CNKSR2: variants seen among roughly 807,000 people sequenced by gnomAD.
CNKSR2 encodes connector enhancer of kinase suppressor of Ras 2.
Under a neutral mutation model 84.4 loss-of-function variants are expected in CNKSR2, and 14 were observed. The observed-to-expected ratio is 0.17, with a 90% CI of 0.11 to 0.26. The LOEUF (loss-of-function observed/expected upper bound fraction) is 0.26. Among genes scored for constraint, CNKSR2 ranks in the 10% least tolerant of loss-of-function variants. CNKSR2 has a pLI of 1.00. For missense variants in CNKSR2, 485 were observed against 771.2 expected, an observed-to-expected ratio of 0.63 and a Z score of 4.40; for synonymous variants, 275 against 277.9, an observed-to-expected ratio of 0.99 and a Z score of 0.10.
intron 21 of CNKSR2, among the ~76,000 whole-genome samples, chrX:21,649,775 T>G (rs1333308085): frequency 9.0e-6 from 1 of 111,326 alleles, no homozygotes; most frequent in African/African-American, 3.3e-5. Flanking sequence ...CCCTGTGCCC[T>G]TATAAAACAA....
Position 21,648,997 on chromosome X carries a change from C to T in CNKSR2, c.2859C>T (p.His953=), listed in dbSNP as rs2092714148. ...ATCCTGTAATGAATGAAAAACTACA[C>T]CGGCTGAGAATTCTCAAAAGCACTT... ...CNDPVMNEKL[H]RLRILKSTLK... The change falls in exon 21 of 22, where the codon CAC becomes CAT. Residue 953 remains histidine (H), a synonymous_variant. Transcript: ENST00000379510. The T allele has an allele frequency of 4.2e-6, 5 of 1,198,546 alleles. No individual in the cohort carries two copies. The highest frequency in any genetic ancestry group is 5.6e-6 in the Non-Finnish European group (5 of 888,322).
At chrX:21,468,339 A>T (rs954432898) in intron 4 of CNKSR2, among the ~76,000 whole-genome samples, 1 of 111,518 alleles carries the variant, frequency 9.0e-6, no homozygotes, top group Non-Finnish European at 1.9e-5. Flanking sequence ...TGTAATATTA[A>T]TATAGCATCA....
rs765632321 is a variant in CNKSR2, at chrX:21,484,145, G to C, written c.562-6314G>C. ...TCTCTACTAAAAATACAAAAAATTA[G>C]CTGGGCGTAGTGGTGCGCACCTGTA... On this transcript the variant is annotated intron_variant, in intron 5 of 21. Coordinates refer to ENST00000379510, the MANE Select transcript of CNKSR2 (RefSeq NM_014927.5). Among the ~76,000 whole-genome samples the C allele has an allele frequency of 4.5e-5, 5 of 110,861 alleles. No homozygotes were observed. The South Asian group carries it at 2.0e-3, about 43-fold the overall frequency.
chrX:21,539,826 C>A (rs996734729), intron 11 of CNKSR2, among the ~76,000 whole-genome samples: 3 of 111,214 alleles, frequency 2.7e-5, no homozygotes, highest in Non-Finnish European at 5.7e-5. Context: ...ACAAATATAA[C>A]CTTAATGTAG....
At chrX:21,530,406 A>G (rs1483827508) in intron 10 of CNKSR2, among the ~76,000 whole-genome samples, 1 of 111,234 alleles carries the variant, frequency 9.0e-6, no homozygotes, top group East Asian at 2.8e-4. Context: ...ACATTTACAC[A>G]CAGAAGCAGA....
At chrX:21,566,220 A>G (rs1434990731) in intron 13 of CNKSR2, among the ~76,000 whole-genome samples, 3 of 112,159 alleles carry the variant, frequency 2.7e-5, no homozygotes, top group Non-Finnish European at 5.6e-5. Flanking sequence ...GGGGAAACAT[A>G]CTGAGCTGCC....
chrX:21,452,505 C>A (rs1408320135), intron 4 of CNKSR2, among the ~76,000 whole-genome samples: 3 of 111,566 alleles, frequency 2.7e-5, no homozygotes, highest in African/African-American at 9.8e-5. Context: ...AAACAATTAG[C>A]CTTTCTTTTG....
chrX:21,628,628 G>A (rs2092634676), intron 20 of CNKSR2, among the ~76,000 whole-genome samples: 1 of 111,904 alleles, frequency 8.9e-6, no homozygotes, highest in South Asian at 3.7e-4. Context: ...ACCCTCTGAA[G>A]CCATGCACCA....
At chrX:21,615,832 C>T (rs755550607) in intron 20 of CNKSR2, among the ~76,000 whole-genome samples, 63 of 111,209 alleles carry the variant, frequency 5.7e-4, no homozygotes, top group Non-Finnish European at 9.3e-4. Flanking sequence ...TTGAACCATA[C>T]GAAATGTTGC....
chrX:21,590,036 A>G (rs1333315294), intron 13 of CNKSR2, among the ~76,000 whole-genome samples: 1 of 111,488 alleles, frequency 9.0e-6, no homozygotes, highest in Non-Finnish European at 1.9e-5. Context: ...GGGTGCTGAC[A>G]TCATCTACAT....
chrX:21,604,474 T>A (rs189661294), intron 18 of CNKSR2, among the ~76,000 whole-genome samples: 1 of 111,276 alleles, frequency 9.0e-6, no homozygotes, highest in Admixed American at 9.6e-5. Flanking sequence ...ATAAAAAATA[T>A]ATATATAAAA....
intron 1 of CNKSR2, among the ~76,000 whole-genome samples, chrX:21,415,015 A>G (rs1287061947): frequency 9.0e-6 from 1 of 111,528 alleles, no homozygotes; most frequent in Non-Finnish European, 1.9e-5. Context: ...TTTGCTTAGG[A>G]TAGCTTTGGC....
At chrX:21,492,214 G>A (rs2091449196) in intron 6 of CNKSR2, 1 of 111,349 alleles carries the variant, frequency 9.0e-6, no homozygotes, top group Admixed American at 9.5e-5. Context: ...TAATTAATGG[G>A]CTTTATGAAA....
Position 21,480,183 on chromosome X carries a change from C to CA in CNKSR2, c.561+9377dup, listed in dbSNP as rs772839816. Among the ~76,000 whole-genome samples, 4 of 111,282 alleles carry CA rather than the reference C, an allele frequency of 3.6e-5. No homozygotes were observed. The South Asian group carries it at 1.5e-3, about 43-fold the overall frequency. On this transcript the variant is annotated intron_variant, in intron 5 of 21. Transcript: ENST00000379510. ...CTGAAGGATGAATTGAGCTGAGAGC[C>CA]ACAAAACTCATAACTGACACAGTGT...
intron 1 of CNKSR2, among the ~76,000 whole-genome samples, chrX:21,395,942 A>T (rs1016202927): frequency 1.8e-5 from 2 of 112,084 alleles, no homozygotes; most frequent in East Asian, 5.6e-4. Flanking sequence ...GAATGCCCAC[A>T]GATCTAGGCC....
chrX:21,375,056 C>T (rs1160966287), intron 1 of CNKSR2, 95 bp downstream of exon 1: 5 of 751,646 alleles, frequency 6.7e-6, no homozygotes, highest in Non-Finnish European at 1.0e-5. Context: ...AGCCCGCCAC[C>T]GCGGCTTCCA....
chrX:21,528,612 G>T (rs1209379308), intron 10 of CNKSR2, among the ~76,000 whole-genome samples: 1 of 110,917 alleles, frequency 9.0e-6, no homozygotes, highest in African/African-American at 3.3e-5. Context: ...TAAAAAGCTT[G>T]AAGATGCTAT....
chrX:21,432,607 T>C lies in CNKSR2; in HGVS notation c.229-5T>C. 9.0e-7 allele frequency: 1 copy of C among 1,112,513 alleles called. No homozygotes were observed. The highest frequency in any genetic ancestry group is 1.2e-6 in the Non-Finnish European group (1 of 818,269). The allele number at this position is 1,112,513 out of a possible 1,213,427, so 91.7% of individuals were successfully genotyped here. A position where few individuals can be genotyped will look rare whatever the true frequency, so the allele number is the denominator to read the frequency against. On this transcript the variant is annotated splice_region_variant and splice_polypyrimidine_tract_variant and intron_variant, in intron 2 of 21. Transcript: ENST00000379510. ...AATATATTCTCTCTCTTTTTTATAA[T>C]TCAGAATTATGGCTTGGAAACAGAA...
chrX:21,636,992 G>A (rs2092675118), intron 20 of CNKSR2, among the ~76,000 whole-genome samples: 1 of 111,734 alleles, frequency 8.9e-6, no homozygotes, highest in Non-Finnish European at 1.9e-5. Context: ...TAAACTGGTT[G>A]TAAATTAAAA....
Sources: allele counts gnomAD v4.1 joint callset (sites outside exome capture counted in the v4.1 genomes callset), GRCh38; gene constraint gnomAD v4.1.1; transcripts MANE v1.5; gene names NCBI Gene and HGNC (gene_info 2026-07-23, HGNC 2026-07-21).